The following RAB33A variants were observed in gnomAD, a reference collection of about 807,000 sequenced individuals.
RAB33A encodes the protein RAB33A, member RAS oncogene family, also known as ras-related protein Rab-33A.
Under a neutral mutation model 12.0 loss-of-function variants are expected in RAB33A, and 6 were observed. The observed-to-expected ratio is 0.50, with a 90% CI of 0.27 to 0.99. The LOEUF is 0.99. Among genes scored for constraint, RAB33A ranks in the 50% least tolerant of loss-of-function variants. The probability of loss-of-function intolerance (pLI) is 0.11; values close to 1 mark genes in which losing one functional copy is unlikely to be tolerated. For missense variants in RAB33A, 109 were observed against 192.0 expected (o/e 0.57, Z 2.55); for synonymous variants, 70 against 82.4 (o/e 0.85, Z 0.81).
the RAB33A span, among the ~76,000 whole-genome samples, chrX:130,143,332 A>G: frequency 8.9e-6 from 1 of 111,768 alleles, no homozygotes; most frequent in East Asian, 2.8e-4. Flanking sequence ...ATGGTCCAAA[A>G]CTGAATTTTA....
chrX:130,128,590 A>T, the RAB33A span, among the ~76,000 whole-genome samples: 1 of 112,268 alleles, frequency 8.9e-6, no homozygotes, highest in African/African-American at 3.2e-5. Context: ...TAATAATAAG[A>T]TTTGATTTTT....
the RAB33A span, chrX:130,147,820 G>A: frequency 8.3e-7 from 1 of 1,210,355 alleles, no homozygotes; most frequent in Non-Finnish European, 1.1e-6. Context: ...CCACCAATTA[G>A]CAGGAAAGGA....
At chrX:130,136,538 C>A in the RAB33A span, 2 of 737,898 alleles carry the variant, frequency 2.7e-6, no homozygotes, top group Non-Finnish European at 4.2e-6. Flanking sequence ...TTAATGGCAA[C>A]TGCCAGGAAA....
the RAB33A span, chrX:130,149,636 CT>C: frequency 6.4e-6 from 5 of 784,468 alleles, no homozygotes; most frequent in Admixed American, 4.5e-5. Context: ...GTAATATTAT[CT>C]TTCAATTAAA....
At position 130,172,255 on chromosome X, in the gene RAB33A, A is replaced by G; in HGVS notation, c.193A>G (p.Thr65Ala). 2 of 1,211,775 alleles carry G rather than the reference A, an allele frequency of 1.7e-6. No individual in the cohort carries two copies. The highest frequency in any genetic ancestry group is 2.2e-6 in the Non-Finnish European group (2 of 895,411). Residue 65 changes from threonine to alanine, a missense_variant, in exon 1 of 2, where the codon ACT becomes GCT. Thr to Ala is a moderately conservative substitution (Grantham distance 58). Transcript: ENST00000257017. Reference protein sequence around the residue: ...RFCGGTFPDKTEATIGVDFRE... With the variant: ...RFCGGTFPDKAEATIGVDFRE... ...CTGCGGGGGTACCTTCCCAGACAAG[A>G]CTGAAGCCACCATCGGCGTGGACTT... is the stretch of plus-strand genomic sequence containing the variant.
the RAB33A span, chrX:130,156,390 G>T: frequency 8.5e-7 from 1 of 1,181,878 alleles, no homozygotes. Flanking sequence ...AAGTTTTAAA[G>T]CAGAATACTA....
At chrX:130,146,810 A>G in the RAB33A span, among the ~76,000 whole-genome samples, 2 of 111,698 alleles carry the variant, frequency 1.8e-5, no homozygotes, top group Non-Finnish European at 3.8e-5. Context: ...GCTGTCAAAG[A>G]GAGTGCCGTT....
chrX:130,133,876 C>T, the RAB33A span, among the ~76,000 whole-genome samples: 1 of 108,926 alleles, frequency 9.2e-6, no homozygotes, highest in Non-Finnish European at 1.9e-5. Context: ...AAGCAATGTG[C>T]CTGCCTCAGC....
At chrX:130,159,407 G>A in the RAB33A span, among the ~76,000 whole-genome samples, 5 of 111,882 alleles carry the variant, frequency 4.5e-5, no homozygotes, top group African/African-American at 1.6e-4. Flanking sequence ...AAACGTGAGC[G>A]GGGCAGAAAC....
At chrX:130,117,830 G>C in the RAB33A span, among the ~76,000 whole-genome samples, 1 of 112,567 alleles carries the variant, frequency 8.9e-6, no homozygotes, top group African/African-American at 3.2e-5. Flanking sequence ...ATAACTGCTG[G>C]CCCAACACCT....
chrX:130,179,809 G>A (rs1196937608), intron 1 of RAB33A, among the ~76,000 whole-genome samples: 1 of 101,400 alleles, frequency 9.9e-6, no homozygotes, highest in African/African-American at 3.7e-5. Context: ...TGCTGATAAT[G>A]ATGATGATGA....
At chrX:130,145,804 ATC>A in the RAB33A span, among the ~76,000 whole-genome samples, 1 of 111,870 alleles carries the variant, frequency 8.9e-6, no homozygotes, top group African/African-American at 3.2e-5. Flanking sequence ...TCCAGAGACA[ATC>A]TGGGTTGTAA....
intron 1 of RAB33A, among the ~76,000 whole-genome samples, chrX:130,182,042 C>G (rs757657177): frequency 2.1e-4 from 22 of 103,801 alleles, no homozygotes; most frequent in Non-Finnish European, 3.7e-4. Context: ...GTGGCTCATG[C>G]CTGTAATCCC....
the RAB33A span, among the ~76,000 whole-genome samples, chrX:130,151,204 G>C: frequency 9.3e-6 from 1 of 107,636 alleles, no homozygotes; most frequent in Middle Eastern, 4.7e-3. Flanking sequence ...GCAGTGGCGT[G>C]ATCTCGGCTT....
the RAB33A span, among the ~76,000 whole-genome samples, chrX:130,152,091 G>C: frequency 9.5e-6 from 1 of 105,284 alleles, no homozygotes; most frequent in East Asian, 2.9e-4. Context: ...TTCCAAAAAA[G>C]GGAAGAGAAG....
At chrX:130,129,030 A>G in the RAB33A span, among the ~76,000 whole-genome samples, 1 of 112,405 alleles carries the variant, frequency 8.9e-6, no homozygotes, top group Non-Finnish European at 1.9e-5. Context: ...CCTTAACATC[A>G]GGGCTTCTGC....
At chrX:130,168,706 A>G (rs1343693451), upstream of RAB33A, among the ~76,000 whole-genome samples, 1 of 111,733 alleles carries the variant, frequency 8.9e-6, no homozygotes, top group East Asian at 2.8e-4. Flanking sequence ...AGTAGTCATT[A>G]TGTGGTGAAG....
the RAB33A span, among the ~76,000 whole-genome samples, chrX:130,115,663 A>AGAGAGAGAG: frequency 4.0e-5 from 4 of 99,603 alleles, no homozygotes; most frequent in Admixed American, 3.4e-4. Flanking sequence ...GAAAGAGAGA[A>AGAGAGAGAG]AGAGAGAGAG....
the RAB33A span, chrX:130,138,040 C>G: frequency 1.2e-5 from 1 of 83,440 alleles, no homozygotes; most frequent in South Asian, 5.3e-4. Context: ...CCAGCCTGGG[C>G]AACAAGAGTG....
Sources: allele counts gnomAD v4.1 joint callset (sites outside exome capture counted in the v4.1 genomes callset), GRCh38; gene constraint gnomAD v4.1.1; transcripts MANE v1.5; gene names NCBI Gene and HGNC (gene_info 2026-07-23, HGNC 2026-07-21).